Variants in ADAMTS16 observed in about 807,000 individuals in gnomAD.
The protein encoded by ADAMTS16 is A disintegrin and metalloproteinase with thrombospondin motifs 16.
Under a neutral mutation model 145.8 loss-of-function variants are expected in ADAMTS16, and 94 were observed. The ratio of observed to expected loss-of-function variants is 0.64; its 90% CI spans 0.55 to 0.77. ADAMTS16 has a LOEUF of 0.77. ADAMTS16 is among the 30% of genes least tolerant of loss of function. ADAMTS16 has a pLI of 0.00. For missense variants in ADAMTS16, 1,585 were observed against 1,591.5 expected (o/e 1.00, Z 0.07); for synonymous variants, 659 against 604.3 (o/e 1.09, Z -1.33).
intron 11 of ADAMTS16, among the ~76,000 whole-genome samples, chr5:5,224,004 C>T (rs1736682680): frequency 6.6e-6 from 1 of 151,936 alleles, no homozygotes; most frequent in Non-Finnish European, 1.5e-5. Context: ...TCGAATGTGA[C>T]TACAGACAGA....
At chr5:5,246,376 C>T (rs1428351543) in intron 17 of ADAMTS16, among the ~76,000 whole-genome samples, 1 of 152,184 alleles carries the variant, frequency 6.6e-6, no homozygotes, top group Admixed American at 6.5e-5. Flanking sequence ...TCCTCTCTTA[C>T]ATTTTTTTCA....
chr5:5,197,092 T>C (rs1465535780), intron 8 of ADAMTS16, among the ~76,000 whole-genome samples: 4 of 152,198 alleles, frequency 2.6e-5, no homozygotes, highest in African/African-American at 9.7e-5. Flanking sequence ...TTACCTGTGG[T>C]CGCCATCATT....
At chr5:5,260,962 A>G (rs2126428264) in intron 17 of ADAMTS16, among the ~76,000 whole-genome samples, 1 of 152,306 alleles carries the variant, frequency 6.6e-6, no homozygotes, top group East Asian at 1.9e-4. Flanking sequence ...GAGTTGTCCG[A>G]GTCCATCTGA....
rs1329713191 is a variant in ADAMTS16 at position 5,239,258 on chromosome 5, G to A, written c.2262G>A (p.Lys754=). ...CGATTCACAGGGGTCTCTACACCAAGCACCACCACACCAACCGTGAGTACT... is the reference window on the plus strand; with the variant it reads ...CGATTCACAGGGGTCTCTACACCAAACACCACCACACCAACCGTGAGTACT... ...ACTIHRGLYT[K]HHHTNQYYHM... is the part of the protein sequence containing the mutation. Residue 754 remains lysine, a synonymous_variant, in exon 15 of 23, where the codon AAG becomes AAA. Transcript: ENST00000274181. 34 of 1,584,348 alleles carry A rather than the reference G, an allele frequency of 2.1e-5. No individual in the cohort carries two copies. The highest frequency in any genetic ancestry group is 2.9e-5 in the Non-Finnish European group (34 of 1,168,148).
intron 17 of ADAMTS16, among the ~76,000 whole-genome samples, chr5:5,243,615 A>G (rs1737358306): frequency 6.6e-6 from 1 of 152,242 alleles, no homozygotes; most frequent in Admixed American, 6.5e-5. Flanking sequence ...TAGGATAATA[A>G]TAGAATCAGA....
At chr5:5,305,705 C>T (rs909448278) in intron 20 of ADAMTS16, among the ~76,000 whole-genome samples, 1 of 152,208 alleles carries the variant, frequency 6.6e-6, no homozygotes, top group Admixed American at 6.5e-5. Flanking sequence ...GCAGGTGTTG[C>T]CACCTGGGCT....
chr5:5,154,364 T>C (rs1001720204), intron 3 of ADAMTS16, among the ~76,000 whole-genome samples: 2 of 152,158 alleles, frequency 1.3e-5, no homozygotes, highest in Non-Finnish European at 2.9e-5. Flanking sequence ...GTGTAGATAA[T>C]TTCTTACTTT....
intron 3 of ADAMTS16, among the ~76,000 whole-genome samples, chr5:5,155,345 T>G (rs1289998725): frequency 1.3e-5 from 2 of 152,218 alleles, no homozygotes; most frequent in South Asian, 2.1e-4. Flanking sequence ...CCCTATTTTA[T>G]TTTTCTGTTT....
intron 10 of ADAMTS16, 84 bp downstream of exon 10, chr5:5,209,330 A>T (rs1177371119): frequency 6.7e-7 from 1 of 1,503,020 alleles, no homozygotes; most frequent in East Asian, 2.3e-5. Context: ...TATATTCTGC[A>T]TTTATTGGGT....
chr5:5,247,719 C>T (rs937796245), intron 17 of ADAMTS16, among the ~76,000 whole-genome samples: 3 of 152,202 alleles, frequency 2.0e-5, no homozygotes, highest in Admixed American at 1.3e-4. Context: ...TAAAAATGGG[C>T]GATTACTGCC....
At chr5:5,203,697 G>A (rs567315964) in intron 9 of ADAMTS16, among the ~76,000 whole-genome samples, 1 of 152,234 alleles carries the variant, frequency 6.6e-6, no homozygotes. Flanking sequence ...GTGACTTAGG[G>A]AAATTTTAGC....
chr5:5,305,063 CCACACACA>C (rs746089868), intron 20 of ADAMTS16, among the ~76,000 whole-genome samples: 2 of 51,256 alleles, frequency 3.9e-5, no homozygotes, highest in South Asian at 8.2e-4. Context: ...ACATCCCACA[CCACACACA>C]CACACACACA....
intron 22 of ADAMTS16, among the ~76,000 whole-genome samples, chr5:5,318,652 C>T (rs973338526): frequency 2.6e-5 from 4 of 152,146 alleles, no homozygotes; most frequent in Admixed American, 1.3e-4. Flanking sequence ...CCCAGCATTG[C>T]GGAGACAGAT....
chr5:5,303,450 G>A lies in ADAMTS16; in HGVS notation c.2972G>A (p.Ser991Asn), dbSNP rs1437917696. ...TCTCAGAGCTGCCCACCTGCATGGA[G>A]CGCCGGGCCCTGGGCAGAGGTAACC... ...CNSQSCPPAW[S>N]AGPWAECSHT... The change falls in exon 19 of 23, where the codon AGC becomes AAC. Residue 991 changes from serine (S) to asparagine (N), a missense_variant. Ser to Asn is a conservative substitution (Grantham distance 46). Around this residue, in one of 3 missense-constraint regions of ADAMTS16, gnomAD observed 834 missense variants for 811.7 expected, o/e 1.03. Transcript: ENST00000274181. The A allele has an allele frequency of 6.2e-7, 1 of 1,611,100 alleles. No individual in the cohort carries two copies. The highest frequency in any genetic ancestry group is 1.3e-5 in the African/African-American group (1 of 74,926).
At chr5:5,315,017 T>C (rs776375534) in intron 21 of ADAMTS16, among the ~76,000 whole-genome samples, 30 of 152,346 alleles carry the variant, frequency 2.0e-4, no homozygotes, top group Middle Eastern at 3.4e-3. Context: ...TGAAGACATC[T>C]GAGATGGTCA....
intron 9 of ADAMTS16, among the ~76,000 whole-genome samples, chr5:5,204,477 A>T (rs117636586): frequency 1.3e-5 from 2 of 151,738 alleles, no homozygotes; most frequent in East Asian, 3.9e-4. Context: ...GCTTCTCCCC[A>T]CTCCAAGGGC....
intron 21 of ADAMTS16, among the ~76,000 whole-genome samples, chr5:5,311,323 AAAC>A (rs1269521216): frequency 2.1e-4 from 31 of 149,362 alleles, no homozygotes; most frequent in African/African-American, 5.9e-4. Flanking sequence ...AAAAACAAAA[AAAC>A]AAAAAAACAT....
At chr5:5,158,822 T>A (rs867181164) in intron 3 of ADAMTS16, among the ~76,000 whole-genome samples, 3 of 152,258 alleles carry the variant, frequency 2.0e-5, no homozygotes, top group South Asian at 4.1e-4. Context: ...CGCTTAAGCA[T>A]AGAGAAGTTG....
intron 8 of ADAMTS16, among the ~76,000 whole-genome samples, chr5:5,198,870 C>T (rs549657567): frequency 6.6e-6 from 1 of 152,276 alleles, no homozygotes; most frequent in South Asian, 2.1e-4. Context: ...GAATTCTTGG[C>T]AGCATAATGT....
Sources: gnomAD v4.1 joint callset for allele counts (sites outside exome capture counted in the v4.1 genomes callset) on GRCh38, gnomAD v4.1.1 for gene constraint, gnomAD v4.1.1 regional missense constraint, MANE v1.5 for transcripts, NCBI Gene and HGNC (gene_info 2026-07-23, HGNC 2026-07-21) for gene names.